Variants in LANCL1 observed in about 807,000 individuals in gnomAD.
The protein encoded by LANCL1 is LanC like glutathione S-transferase 1.
In LANCL1, 50 loss-of-function variants were observed where a neutral mutation model predicts 50.6. The ratio of observed to expected loss-of-function variants is 0.99; its 90% CI spans 0.79 to 1.25. LANCL1 has a LOEUF of 1.25. Among genes scored for constraint, LANCL1 ranks in the 50% most tolerant of loss-of-function variants. LANCL1 has a pLI of 0.00. For synonymous variants in LANCL1, 188 were observed against 178.6 expected (o/e 1.05, Z -0.42); for missense variants, 532 against 480.7 (o/e 1.11, Z -1.00).
At chr2:210,476,467 T>A in intron 1 of LANCL1, 55 bp from the exon 2 acceptor site, 2 of 1,423,628 alleles carry the variant, frequency 1.4e-6, no homozygotes, top group Non-Finnish European at 1.8e-6. Flanking sequence ...TCGGCCGAGT[T>A]GCGAGGGCGG....
chr2:210,477,561 C>T (rs1694424274), upstream of LANCL1: 1 of 1,395,706 alleles, frequency 7.2e-7, no homozygotes, highest in Non-Finnish European at 9.3e-7. Flanking sequence ...AGTCCTAGCT[C>T]CAGACCTCCA....
chr2:210,436,327 C>T lies in LANCL1; in HGVS notation c.939G>A (p.Gly313=), dbSNP rs375826825. ...ACAGCCCATATCCCTTCTTCAGCAACCCATATTGCCAGATCACATCAGCAC... is the reference window on the plus strand; with the variant it reads ...ACAGCCCATATCCCTTCTTCAGCAATCCATATTGCCAGATCACATCAGCAC... ...YQCADVIWQY[G]LLKKGYGLCH... The change falls in exon 8 of 10, where the codon GGG becomes GGA. Residue 313 remains glycine (G), a synonymous_variant. Transcript: ENST00000450366. 3.1e-6 allele frequency: 5 copies of T among 1,613,950 alleles called. No homozygotes were observed. The highest frequency in any genetic ancestry group is 2.7e-5 in the African/African-American group (2 of 74,900).
At chr2:210,437,987 G>T in intron 6 of LANCL1, 115 bp from the exon 7 acceptor site, 2 of 664,062 alleles carry the variant, frequency 3.0e-6, no homozygotes, top group East Asian at 3.2e-5. Context: ...GTCATTAAGA[G>T]GTTTTGGATT....
At chr2:210,466,476 C>T (rs1694063888) in intron 3 of LANCL1, among the ~76,000 whole-genome samples, 1 of 152,166 alleles carries the variant, frequency 6.6e-6, no homozygotes, top group Admixed American at 6.5e-5. Flanking sequence ...AACAAAGGAA[C>T]CTTGGTGCTA....
intron 4 of LANCL1, among the ~76,000 whole-genome samples, chr2:210,445,443 T>C (rs1693290716): frequency 6.6e-6 from 1 of 152,192 alleles, no homozygotes. Flanking sequence ...GAGCATCTTA[T>C]TAAAACAATA....
At chr2:210,449,744 T>C (rs899105375) in intron 4 of LANCL1, among the ~76,000 whole-genome samples, 23 of 152,180 alleles carry the variant, frequency 1.5e-4, no homozygotes, top group African/African-American at 1.9e-4. Flanking sequence ...CCATTCACAA[T>C]TGTTACAAAG....
At position 210,432,866 on chromosome 2, in the gene LANCL1, A is replaced by C. The variant is rs1023341530; in HGVS notation, c.*1621T>G. On this transcript the variant is annotated 3_prime_UTR_variant, in exon 10 of 10. Coordinates refer to ENST00000450366, the MANE Select transcript of LANCL1 (RefSeq NM_006055.3). ...GAGGCACAAGGTAGTGCCAACTTAC[A>C]CAAGTGACAGAAGGAGGAAGCTGAT... The C allele has an allele frequency of 6.6e-6, 1 of 152,210 alleles. No individual in the cohort carries two copies. Among genetic ancestry groups the C allele is most frequent in the Non-Finnish European group, 1.5e-5 (1 of 68,026 alleles). The allele number at this position is 152,210 out of a possible 1,614,324, so 9.4% of individuals were successfully genotyped here. A position where few individuals can be genotyped will look rare whatever the true frequency, so the allele number is the denominator to read the frequency against.
Position 210,476,736 on chromosome 2 carries a change from C to G in LANCL1, c.-133G>C, listed in dbSNP as rs1000180677. 5 of 1,086,794 alleles carry G rather than the reference C, an allele frequency of 4.6e-6. No individual in the cohort carries two copies. The African/African-American group carries it at 4.9e-5, about 11-fold the overall frequency. 67.3% of individuals were successfully genotyped at this position (1,086,794 alleles called of 1,614,324 possible). The stretch of plus-strand genomic sequence containing the variant: ...TGGCCTCTCACCCCGCAGCCCCGGA[C>G]AGTAACAGAAGGGCTATTTTACCGC... On this transcript the variant is annotated 5_prime_UTR_variant, in exon 1 of 10. Transcript: ENST00000450366.
chr2:210,461,829 G>A (rs1005118734), intron 3 of LANCL1, among the ~76,000 whole-genome samples: 2 of 151,854 alleles, frequency 1.3e-5, no homozygotes, highest in Non-Finnish European at 1.5e-5. Context: ...ATGAAATAAG[G>A]GCTAGCATTT....
At chr2:210,470,369 T>G (rs1694191573) in intron 3 of LANCL1, among the ~76,000 whole-genome samples, 1 of 152,178 alleles carries the variant, frequency 6.6e-6, no homozygotes, top group African/African-American at 2.4e-5. Context: ...ACATTGACTT[T>G]AAAAGTCCCT....
intron 9 of LANCL1, 150 bp downstream of exon 9, chr2:210,435,237 G>A: frequency 1.6e-6 from 1 of 633,084 alleles, no homozygotes; most frequent in South Asian, 2.0e-5. Flanking sequence ...TGTGCTAATT[G>A]ATTTTTAATA....
At chr2:210,467,704 C>T (rs1418756046) in intron 3 of LANCL1, among the ~76,000 whole-genome samples, 1 of 152,160 alleles carries the variant, frequency 6.6e-6, no homozygotes, top group Non-Finnish European at 1.5e-5. Flanking sequence ...TGGGCATGTG[C>T]CCTTAAACTG....
At chr2:210,471,623 G>C in intron 3 of LANCL1, 1 of 487,980 alleles carries the variant, frequency 2.0e-6, no homozygotes, top group Non-Finnish European at 4.0e-6. Context: ...ATTGTATTTT[G>C]GAACTCTTCC....
chr2:210,440,833 G>A lies in LANCL1; in HGVS notation c.544-89C>T, dbSNP rs73069777. ...AAGACTTTTTTGCTAAGAGGTACTG[G>A]GGAACATGACAAATTAGACACCAGC... On this transcript the variant is annotated intron_variant, in intron 5 of 9. Transcript: ENST00000450366. 11,246 of 1,191,524 alleles carry A rather than the reference G, an allele frequency of 9.4e-3. 397 individuals carry two copies. In the African/African-American group the frequency reaches 0.1, roughly 11 times the overall value. The allele number at this position is 1,191,524 out of a possible 1,614,324, so 73.8% of individuals were successfully genotyped here.
At chr2:210,460,076 G>A (rs982706008) in intron 3 of LANCL1, among the ~76,000 whole-genome samples, 2 of 152,128 alleles carry the variant, frequency 1.3e-5, no homozygotes, top group Non-Finnish European at 2.9e-5. Flanking sequence ...TGCATATGGA[G>A]ATAAAAATCT....
chr2:210,446,451 C>T (rs1490374126), intron 4 of LANCL1, among the ~76,000 whole-genome samples: 1 of 152,070 alleles, frequency 6.6e-6, no homozygotes, highest in Non-Finnish European at 1.5e-5. Flanking sequence ...TGCTTCTTCT[C>T]CAAAGGATCA....
chr2:210,469,253 C>A (rs1694155376), intron 3 of LANCL1: 1 of 152,096 alleles, frequency 6.6e-6, no homozygotes, highest in Non-Finnish European at 1.5e-5. Context: ...ATAAGTGATA[C>A]TTGGAAAGCT....
At chr2:210,471,792 A>T (rs1694230991) in intron 3 of LANCL1, 167 bp downstream of exon 3, 1 of 740,700 alleles carries the variant, frequency 1.4e-6, no homozygotes, top group Non-Finnish European at 2.5e-6. Flanking sequence ...AACCCAGAAG[A>T]TACCATGGTT....
At chr2:210,475,042 T>C (rs538666252) in intron 2 of LANCL1, among the ~76,000 whole-genome samples, 33 of 152,306 alleles carry the variant, frequency 2.2e-4, no homozygotes, top group African/African-American at 7.5e-4. Flanking sequence ...AATAATCAGA[T>C]TGACTCAAAC....
Sources: allele counts gnomAD v4.1 joint callset (sites outside exome capture counted in the v4.1 genomes callset), GRCh38; gene constraint gnomAD v4.1.1; transcripts MANE v1.5; gene names NCBI Gene and HGNC (gene_info 2026-07-23, HGNC 2026-07-21).